The following CNTN4 variants were observed in gnomAD, a reference collection of about 807,000 sequenced individuals.
CNTN4 encodes contactin 4, also known as contactin-4.
A neutral mutation model predicts 122.5 loss-of-function variants in CNTN4; 77 were observed. The ratio of observed to expected loss-of-function variants is 0.63; its 90% confidence interval spans 0.52 to 0.76. CNTN4 has a LOEUF of 0.76. Among genes scored for constraint, CNTN4 ranks in the 30% least tolerant of loss-of-function variants. CNTN4 has a pLI of 0.00. For synonymous variants in CNTN4, 512 were observed against 447.0 expected, an observed-to-expected ratio of 1.15 and a Z score of -1.83; for missense variants, 1,256 against 1,259.1, an observed-to-expected ratio of 1.00 and a Z score of 0.04.
chr3:3,053,328 C>A (rs1317145291), intron 23 of CNTN4, among the ~76,000 whole-genome samples: 5 of 152,224 alleles, frequency 3.3e-5, no homozygotes, highest in Non-Finnish European at 7.3e-5. Context: ...GGCCACTGCA[C>A]CCAGCCTCCT....
chr3:2,607,317 A>G (rs1227033379), intron 4 of CNTN4, among the ~76,000 whole-genome samples: 1 of 152,214 alleles, frequency 6.6e-6, no homozygotes, highest in African/African-American at 2.4e-5. Flanking sequence ...AGGTGCATAT[A>G]CACAAGAAGA....
intron 6 of CNTN4, among the ~76,000 whole-genome samples, chr3:2,791,186 A>T (rs2091997781): frequency 6.6e-6 from 1 of 152,204 alleles, no homozygotes. Flanking sequence ...TATGCAAATA[A>T]TGGTGGTATT....
intron 4 of CNTN4, among the ~76,000 whole-genome samples, chr3:2,586,376 T>C (rs541174201): frequency 3.0e-4 from 45 of 152,378 alleles, no homozygotes; most frequent in African/African-American, 1.0e-3. Flanking sequence ...CACTGCAACT[T>C]CTGCCTCCCA....
intron 2 of CNTN4, among the ~76,000 whole-genome samples, chr3:2,176,243 A>G (rs1252077381): frequency 6.6e-6 from 1 of 152,164 alleles, no homozygotes; most frequent in African/African-American, 2.4e-5. Flanking sequence ...AGTATTTGTC[A>G]GGGCTTCACT....
intron 2 of CNTN4, among the ~76,000 whole-genome samples, chr3:2,295,054 C>A (rs887298927): frequency 5.9e-5 from 9 of 151,758 alleles, no homozygotes; most frequent in Admixed American, 1.3e-4. Context: ...ATATGTGCCA[C>A]ATTTTCTTAA....
chr3:2,668,251 G>C (rs571676423), intron 4 of CNTN4, among the ~76,000 whole-genome samples: 3 of 151,830 alleles, frequency 2.0e-5, no homozygotes, highest in Non-Finnish European at 2.9e-5. Context: ...ATTTGTTTGT[G>C]TCCTCTTTTA....
intron 2 of CNTN4, among the ~76,000 whole-genome samples, chr3:2,121,496 CAA>C (rs201166713): frequency 0.046 from 4,535 of 97,988 alleles, 81 homozygotes; most frequent in Middle Eastern, 0.12. Context: ...GACTCCGTCT[CAA>C]AAAAAAAAAA....
At chr3:2,409,229 T>G (rs2047142068) in intron 3 of CNTN4, among the ~76,000 whole-genome samples, 1 of 151,502 alleles carries the variant, frequency 6.6e-6, no homozygotes, top group South Asian at 2.1e-4. Flanking sequence ...TCTGAGTAAT[T>G]TCTAGGTATC....
intron 2 of CNTN4, among the ~76,000 whole-genome samples, chr3:2,158,321 G>A (rs1367823956): frequency 2.0e-5 from 3 of 152,110 alleles, no homozygotes; most frequent in Admixed American, 6.6e-5. Flanking sequence ...CATTATTTCA[G>A]TACAAACATA....
At chr3:2,574,744 A>G (rs1392729181) in intron 4 of CNTN4, among the ~76,000 whole-genome samples, 1 of 152,188 alleles carries the variant, frequency 6.6e-6, no homozygotes, top group Non-Finnish European at 1.5e-5. Flanking sequence ...ACAGTGCAAC[A>G]GGGAATGTTA....
chr3:2,760,292 A>G (rs2090528990), intron 6 of CNTN4, among the ~76,000 whole-genome samples: 1 of 152,098 alleles, frequency 6.6e-6, no homozygotes, highest in African/African-American at 2.4e-5. Flanking sequence ...TTCTTCTAAG[A>G]GTTTCATGGT....
intron 6 of CNTN4, among the ~76,000 whole-genome samples, chr3:2,803,734 T>A (rs2092400299): frequency 6.6e-6 from 1 of 151,948 alleles, no homozygotes; most frequent in Non-Finnish European, 1.5e-5. Flanking sequence ...TAATTTTTTG[T>A]ATTTTTCAGT....
intron 2 of CNTN4, among the ~76,000 whole-genome samples, chr3:2,122,863 A>G (rs1361034060): frequency 6.6e-6 from 1 of 152,212 alleles, no homozygotes; most frequent in East Asian, 1.9e-4. Context: ...CTTATGTTAG[A>G]CATTCTTGTG....
chr3:2,937,433 C>T (rs2094576659), intron 13 of CNTN4, among the ~76,000 whole-genome samples: 1 of 152,102 alleles, frequency 6.6e-6, no homozygotes, highest in Non-Finnish European at 1.5e-5. Context: ...GGTCATCTTC[C>T]CCATATTTCT....
intron 14 of CNTN4, among the ~76,000 whole-genome samples, chr3:3,002,095 C>A (rs763750882): frequency 5.3e-5 from 8 of 152,178 alleles, no homozygotes; most frequent in Non-Finnish European, 1.2e-4. Context: ...GGATTCCTGT[C>A]AACTGCCAAT....
intron 4 of CNTN4, among the ~76,000 whole-genome samples, chr3:2,636,225 A>C (rs766618593): frequency 1.3e-5 from 2 of 152,192 alleles, no homozygotes; most frequent in Non-Finnish European, 2.9e-5. Context: ...TCCACCACCT[A>C]TTAGGAGGAA....
intron 13 of CNTN4, among the ~76,000 whole-genome samples, chr3:2,971,402 C>G (rs556455924): frequency 6.6e-6 from 1 of 152,184 alleles, no homozygotes; most frequent in East Asian, 1.9e-4. Context: ...TCTTATTGCT[C>G]TTTCATCAGA....
chr3:2,797,555 G>A (rs1171128622), intron 6 of CNTN4, among the ~76,000 whole-genome samples: 2 of 152,096 alleles, frequency 1.3e-5, no homozygotes, highest in Admixed American at 6.6e-5. Context: ...CCGAGATCGC[G>A]CCACTGCACT....
intron 2 of CNTN4, among the ~76,000 whole-genome samples, chr3:2,291,112 A>G (rs1312934050): frequency 6.6e-6 from 1 of 152,166 alleles, no homozygotes; most frequent in African/African-American, 2.4e-5. Flanking sequence ...TCTAGACCCC[A>G]TCACTGCAGA....
Sources: gnomAD v4.1 joint callset for allele counts (sites outside exome capture counted in the v4.1 genomes callset) on GRCh38, gnomAD v4.1.1 for gene constraint, MANE v1.5 for transcripts, NCBI Gene and HGNC (gene_info 2026-07-23, HGNC 2026-07-21) for gene names.